Variants in RPS6KA2 observed in about 807,000 individuals in gnomAD.
RPS6KA2 encodes the protein ribosomal protein S6 kinase alpha-2.
RPS6KA2 carries 42 observed loss-of-function variants against 91.8 expected under a neutral mutation model. That is an observed-to-expected ratio of 0.46 (90% confidence interval 0.36 to 0.59). The LOEUF is 0.59. RPS6KA2 is among the 20% of genes least tolerant of loss of function. The pLI is 0.00. For missense variants in RPS6KA2, 798 were observed against 978.5 expected, an observed-to-expected ratio of 0.82 and a Z score of 2.46; for synonymous variants, 414 against 393.6, an observed-to-expected ratio of 1.05 and a Z score of -0.61.
intron 1 of RPS6KA2, among the ~76,000 whole-genome samples, chr6:166,552,581 C>T (rs1162841108): frequency 2.6e-5 from 4 of 152,060 alleles, no homozygotes; most frequent in Non-Finnish European, 4.4e-5. Flanking sequence ...ATGCCTTGGC[C>T]ACATCCCCCA....
chr6:166,738,856 C>G (rs965921140), intron 2 of RPS6KA2, among the ~76,000 whole-genome samples: 2 of 152,120 alleles, frequency 1.3e-5, no homozygotes, highest in Non-Finnish European at 2.9e-5. Context: ...CATTAGAGGC[C>G]ATCCATCATT....
rs1169082283 is a variant in RPS6KA2 at position 166,495,675 on chromosome 6, G to T, written c.747+2833C>A. 2.0e-5 allele frequency among the ~76,000 whole-genome samples: 3 copies of T among 152,196 alleles called. No homozygotes were observed. The highest frequency in any genetic ancestry group is 2.9e-5 in the Non-Finnish European group (2 of 68,044). On this transcript the variant is annotated intron_variant, in intron 8 of 20. Coordinates refer to ENST00000265678, the MANE Select transcript of RPS6KA2 (RefSeq NM_021135.6). The surrounding 1 kb of genome is among the most constrained non-coding windows in gnomAD (Gnocchi z 4.4). The stretch of plus-strand genomic sequence containing the variant: ...TTTTGTCTGTGCTGGGGCATCTTGG[G>T]TAAGGTGACTGGTGTTTAAGAAACT...
In RPS6KA2 at chr6:166,500,795, G is replaced by A. The variant is rs903520036; in HGVS notation, c.604+92C>T. 11 of 1,160,608 alleles carry A rather than the reference G, an allele frequency of 9.5e-6. No homozygotes were observed. Among genetic ancestry groups the A allele is most frequent in the Admixed American group, 7.2e-5 (4 of 55,674 alleles). The allele number at this position is 1,160,608 out of a possible 1,614,324, so 71.9% of individuals were successfully genotyped here. On this transcript the variant is annotated intron_variant, in intron 7 of 20. Coordinates refer to ENST00000265678, the MANE Select transcript of RPS6KA2 (RefSeq NM_021135.6). The surrounding 1 kb of genome is among the most constrained non-coding windows in gnomAD (Gnocchi z 4.3). ...CAAGCATCTGGCAAAGGGAAGGGCG[G>A]TGTAAATAAGAGGGCTTGGGCTTTG...
At chr6:166,640,218 A>AG (rs953283095) in intron 2 of RPS6KA2, among the ~76,000 whole-genome samples, 1 of 135,378 alleles carries the variant, frequency 7.4e-6, no homozygotes, top group African/African-American at 3.0e-5. Flanking sequence ...TAGCTTAAAA[A>AG]GGAAAAAAAA....
chr6:166,826,676 A>G lies in RPS6KA2; in HGVS notation c.123+31524T>C, dbSNP rs189832991. Among the ~76,000 whole-genome samples the G allele has an allele frequency of 2.8e-3, 420 of 152,320 alleles. 18 individuals are homozygous for G. The highest frequency in any genetic ancestry group is 0.026 in the Admixed American group (396 of 15,288). On this transcript the variant is annotated intron_variant, in intron 2 of 21. Transcript: ENST00000503859. ...AGGGTACCACGTTGCCTCACATCCC[A>G]TAAAACTGTCTTCATTGACCTCGAT...
At chr6:166,449,785 A>G (rs1318148867) in intron 13 of RPS6KA2, among the ~76,000 whole-genome samples, 3 of 112,316 alleles carry the variant, frequency 2.7e-5, no homozygotes, top group Admixed American at 1.0e-4. Flanking sequence ...TACAGGGACC[A>G]CCATGGGAGC....
intron 17 of RPS6KA2, among the ~76,000 whole-genome samples, chr6:166,422,163 G>C (rs182215501): frequency 6.6e-6 from 1 of 152,160 alleles, no homozygotes; most frequent in Non-Finnish European, 1.5e-5. Flanking sequence ...GCCTCCCAAA[G>C]TGCTGGGATT....
intron 2 of RPS6KA2, among the ~76,000 whole-genome samples, chr6:166,756,706 C>T (rs1778019147): frequency 6.6e-6 from 1 of 152,088 alleles, no homozygotes; most frequent in Non-Finnish European, 1.5e-5. Flanking sequence ...ATTAGCCAGG[C>T]ATGGTGGCGC....
chr6:166,514,582 C>T lies in RPS6KA2; in HGVS notation c.299-4225G>A, dbSNP rs116591308. ...TGCAGTGCCACACTGATGAGGCCTG[C>T]GGGCAGGGACATGGGGGCCTGGGGA... On this transcript the variant is annotated intron_variant, in intron 3 of 20. Coordinates refer to ENST00000265678, the MANE Select transcript of RPS6KA2 (RefSeq NM_021135.6). Among the ~76,000 whole-genome samples the T allele has an allele frequency of 9.0e-3, 1,376 of 152,230 alleles. 14 individuals carry two copies. Among genetic ancestry groups the T allele is most frequent in the African/African-American group, 0.025 (1,052 of 41,524 alleles).
chr6:166,561,267 C>T (rs1376033536), intron 1 of RPS6KA2, among the ~76,000 whole-genome samples: 1 of 152,156 alleles, frequency 6.6e-6, no homozygotes, highest in African/African-American at 2.4e-5. Context: ...ATTTCAAGAC[C>T]TTCCCTCCAT....
intron 3 of RPS6KA2, among the ~76,000 whole-genome samples, chr6:166,517,469 T>TTTTTTTTG (rs1782694076): frequency 1.7e-5 from 1 of 59,240 alleles, no homozygotes; most frequent in African/African-American, 4.6e-5. Flanking sequence ...TTTTTTTTTT[T>TTTTTTTTG]TTTTTTTTTT....
intron 2 of RPS6KA2, among the ~76,000 whole-genome samples, chr6:166,724,229 A>T (rs1177092766): frequency 1.3e-5 from 2 of 152,142 alleles, no homozygotes; most frequent in African/African-American, 4.8e-5. Flanking sequence ...CCTAACAGCA[A>T]TGAGTTAAAG....
intron 2 of RPS6KA2, among the ~76,000 whole-genome samples, chr6:166,773,052 T>C (rs1314956832): frequency 6.6e-6 from 1 of 152,168 alleles, no homozygotes; most frequent in East Asian, 1.9e-4. Context: ...ATGGTCAGCC[T>C]GCTGTGCGGG....
At chr6:166,537,014 C>G (rs1190470601) in intron 2 of RPS6KA2, among the ~76,000 whole-genome samples, 5 of 152,206 alleles carry the variant, frequency 3.3e-5, no homozygotes, top group East Asian at 1.9e-4. Flanking sequence ...GCTGGAAAAG[C>G]CTTTCTCCTT....
rs1780757479 is a variant in RPS6KA2, at chr6:166,852,023, T to G, written c.123+6177A>C. On this transcript the variant is annotated intron_variant, in intron 2 of 21. Coordinates refer to the RPS6KA2 transcript ENST00000503859. The surrounding 1 kb of genome is among the most constrained non-coding windows in gnomAD (Gnocchi z 4.1). ...ATGCTAATGTTCCATGAAGCCAATGTTATTCTCACCCGCTCCACAGTGCGT... is the reference window on the plus strand; with the variant it reads ...ATGCTAATGTTCCATGAAGCCAATGGTATTCTCACCCGCTCCACAGTGCGT... Among the ~76,000 whole-genome samples, 1 of 152,234 alleles carries G rather than the reference T, an allele frequency of 6.6e-6. No individual in the cohort carries two copies. Among genetic ancestry groups the G allele is most frequent in the Non-Finnish European group, 1.5e-5 (1 of 68,042 alleles).
chr6:166,762,552 G>A (rs1169878856), intron 2 of RPS6KA2, among the ~76,000 whole-genome samples: 3 of 152,132 alleles, frequency 2.0e-5, no homozygotes, highest in Admixed American at 2.0e-4. Flanking sequence ...AGCTGATCTC[G>A]AATCACACAG....
At chr6:166,634,295 A>C (rs1787167950) in intron 2 of RPS6KA2, among the ~76,000 whole-genome samples, 1 of 152,214 alleles carries the variant, frequency 6.6e-6, no homozygotes, top group Non-Finnish European at 1.5e-5. Context: ...CGAGGTGGGC[A>C]GTAACACTGG....
intron 10 of RPS6KA2, among the ~76,000 whole-genome samples, chr6:166,477,594 C>A (rs1286608940): frequency 6.6e-6 from 1 of 152,176 alleles, no homozygotes; most frequent in African/African-American, 2.4e-5. Context: ...AATCCTCTCC[C>A]AGCAATATAA....
chr6:166,529,742 A>T (rs1240576723), intron 3 of RPS6KA2, among the ~76,000 whole-genome samples: 1 of 152,222 alleles, frequency 6.6e-6, no homozygotes, highest in Non-Finnish European at 1.5e-5. Context: ...CCTTGTTTCT[A>T]CAAGATGATG....
Sources: gnomAD v4.1 joint callset for allele counts (sites outside exome capture counted in the v4.1 genomes callset) on GRCh38, gnomAD v4.1.1 for gene constraint, Gnocchi (gnomAD v3.1) non-coding constraint, MANE v1.5 for transcripts, NCBI Gene and HGNC (gene_info 2026-07-23, HGNC 2026-07-21) for gene names.